The following PLPPR4 variants were observed in gnomAD, a reference collection of about 807,000 sequenced individuals.
PLPPR4 encodes phospholipid phosphatase-related protein type 4.
PLPPR4 carries 24 observed loss-of-function variants against 56.6 expected under a neutral mutation model. The observed-to-expected ratio is 0.42, with a 90% CI of 0.31 to 0.60. The LOEUF is 0.60. PLPPR4 is among the 20% of genes least tolerant of loss of function. The pLI is 0.13. For missense variants in PLPPR4, 654 were observed against 885.8 expected (o/e 0.74, Z 3.32); for synonymous variants, 326 against 328.1 (o/e 0.99, Z 0.07).
chr1:99,274,454 A>G (rs1659134598), intron 1 of PLPPR4, among the ~76,000 whole-genome samples: 1 of 152,122 alleles, frequency 6.6e-6, no homozygotes, highest in Admixed American at 6.6e-5. Context: ...GTAGCTTTAG[A>G]TGCTACCTGA....
At chr1:99,291,675 A>C (rs976342538) in intron 2 of PLPPR4, among the ~76,000 whole-genome samples, 5 of 152,346 alleles carry the variant, frequency 3.3e-5, no homozygotes, top group African/African-American at 1.2e-4. Context: ...ACACAGGAAC[A>C]GAAAACCAAA....
intron 1 of PLPPR4, among the ~76,000 whole-genome samples, chr1:99,274,641 A>G (rs1659138256): frequency 6.6e-6 from 1 of 152,118 alleles, no homozygotes; most frequent in South Asian, 2.1e-4. Flanking sequence ...ATATGCACAC[A>G]CTCACAAAAT....
chr1:99,305,277 AT>A (rs1328015226), intron 6 of PLPPR4, among the ~76,000 whole-genome samples: 4 of 152,194 alleles, frequency 2.6e-5, no homozygotes, highest in Non-Finnish European at 5.9e-5. Context: ...CCATCATATG[AT>A]TGAAAATGGA....
At chr1:99,278,354 T>C (rs574910520) in intron 1 of PLPPR4, among the ~76,000 whole-genome samples, 16 of 152,290 alleles carry the variant, frequency 1.1e-4, no homozygotes, top group African/African-American at 3.8e-4. Flanking sequence ...AATAGTATCT[T>C]CATCAAAAAG....
At chr1:99,294,623 G>A (rs1487195689) in intron 2 of PLPPR4, among the ~76,000 whole-genome samples, 1 of 151,234 alleles carries the variant, frequency 6.6e-6, no homozygotes, top group Non-Finnish European at 1.5e-5. Flanking sequence ...TTGAACCCAG[G>A]AGGCGGAGGT....
chr1:99,263,268 G>T (rs764980304), upstream of PLPPR4, among the ~76,000 whole-genome samples: 7 of 152,142 alleles, frequency 4.6e-5, no homozygotes, highest in Non-Finnish European at 8.8e-5. Flanking sequence ...GTTCAACTAA[G>T]CCGGGATATT....
intron 3 of PLPPR4, 42 bp downstream of exon 3, chr1:99,296,909 T>C: frequency 6.7e-7 from 1 of 1,484,434 alleles, no homozygotes; most frequent in South Asian, 1.4e-5. Context: ...GCTTTTTTTT[T>C]TATATTGAAA....
At chr1:99,291,953 A>T (rs1346193038) in intron 2 of PLPPR4, among the ~76,000 whole-genome samples, 1 of 151,984 alleles carries the variant, frequency 6.6e-6, no homozygotes, top group East Asian at 1.9e-4. Flanking sequence ...AGTTTATAAT[A>T]TATATAAATT....
intron 1 of PLPPR4, among the ~76,000 whole-genome samples, chr1:99,279,015 A>T (rs1336931615): frequency 6.6e-6 from 1 of 152,206 alleles, no homozygotes; most frequent in African/African-American, 2.4e-5. Flanking sequence ...ATAAATGAAG[A>T]TCTTTTTAAA....
intron 1 of PLPPR4, among the ~76,000 whole-genome samples, chr1:99,274,314 A>AC (rs1659131486): frequency 6.6e-6 from 1 of 152,072 alleles, no homozygotes; most frequent in Non-Finnish European, 1.5e-5. Flanking sequence ...AGTAATTATG[A>AC]CCCTTTAATC....
intron 4 of PLPPR4, 136 bp from the exon 5 acceptor site, chr1:99,300,773 C>G (rs1659867193): frequency 3.0e-6 from 2 of 669,756 alleles, no homozygotes; most frequent in African/African-American, 3.6e-5. Flanking sequence ...CACCAGAAAG[C>G]TGGACAGAAG....
At chr1:99,270,435 A>G (rs1284510161) in intron 1 of PLPPR4, among the ~76,000 whole-genome samples, 2 of 152,254 alleles carry the variant, frequency 1.3e-5, no homozygotes, top group Non-Finnish European at 2.9e-5. Flanking sequence ...CAGTTTGTTC[A>G]GAAGAAGAAG....
intron 5 of PLPPR4, among the ~76,000 whole-genome samples, chr1:99,301,482 G>T (rs773715261): frequency 3.9e-5 from 6 of 151,994 alleles, no homozygotes; most frequent in Non-Finnish European, 5.9e-5. Flanking sequence ...AGACTAAACA[G>T]TTAAATGGTT....
intron 1 of PLPPR4, among the ~76,000 whole-genome samples, chr1:99,266,986 A>C (rs1156315223): frequency 2.6e-5 from 4 of 152,368 alleles, no homozygotes; most frequent in Admixed American, 6.5e-5. Flanking sequence ...ACTTTGCTTT[A>C]CAGCATAGTT....
chr1:99,294,555 C>A (rs1050833316), intron 2 of PLPPR4, among the ~76,000 whole-genome samples: 2 of 151,814 alleles, frequency 1.3e-5, no homozygotes, highest in Non-Finnish European at 2.9e-5. Context: ...AATCAGCCAA[C>A]CTTGGTGGTG....
intron 5 of PLPPR4, among the ~76,000 whole-genome samples, chr1:99,301,506 T>C (rs2100809465): frequency 6.6e-6 from 1 of 152,172 alleles, no homozygotes; most frequent in East Asian, 1.9e-4. Context: ...TCTACTGTTT[T>C]GGTATTTTTC....
rs542119155 is a variant in PLPPR4 at position 99,306,236 on chromosome 1, T to C, written c.1374T>C (p.Pro458=). 6.2e-7 allele frequency: 1 copy of C among 1,614,132 alleles called. No homozygotes were observed. Among genetic ancestry groups the C allele is most frequent in the Non-Finnish European group, 8.5e-7 (1 of 1,180,034 alleles). ...GCAATCAGTACCTCAAAATCCAGCC[T>C]GGCGCTGTCCCCGGATGTAACAACA... ...GPGNQYLKIQ[P]GAVPGCNNSM... Residue 458 remains proline (P), a synonymous_variant, in exon 7 of 7, where the codon CCT becomes CCC. Transcript: ENST00000370185. The surrounding 1 kb of genome is among the most constrained non-coding windows in gnomAD (Gnocchi z 4.0).
chr1:99,303,526 A>T (rs1041895327), intron 6 of PLPPR4, among the ~76,000 whole-genome samples: 2 of 152,206 alleles, frequency 1.3e-5, no homozygotes, highest in African/African-American at 4.8e-5. Flanking sequence ...GAATACCAAT[A>T]AACAAGTGAC....
At position 99,264,585 on chromosome 1, in the gene PLPPR4, G is replaced by C. The variant is rs151186240; in HGVS notation, c.-9G>C. On this transcript the variant is annotated 5_prime_UTR_variant, in exon 1 of 7. Coordinates refer to ENST00000370185, the MANE Select transcript of PLPPR4 (RefSeq NM_014839.5). ...CGGGGGAGGACGCAGACCCGGGCAG[G>C]CGGCAGGGATGTCGGCGAAGGAGAG... is the stretch of plus-strand genomic sequence containing the variant. 1 of 1,550,904 alleles carries C rather than the reference G, an allele frequency of 6.4e-7. No homozygotes were observed. The highest frequency in any genetic ancestry group is 8.7e-7 in the Non-Finnish European group (1 of 1,147,050).
Sources: allele counts gnomAD v4.1 joint callset (sites outside exome capture counted in the v4.1 genomes callset), GRCh38; gene constraint gnomAD v4.1.1; non-coding constraint Gnocchi (gnomAD v3.1); transcripts MANE v1.5; gene names NCBI Gene and HGNC (gene_info 2026-07-23, HGNC 2026-07-21).